Variants in PRIM2 observed in about 807,000 individuals in gnomAD.
PRIM2 encodes DNA primase subunit 2.
A neutral mutation model predicts 67.3 loss-of-function variants in PRIM2; 39 were observed. The ratio of observed to expected loss-of-function variants is 0.58; its 90% CI spans 0.45 to 0.76. The LOEUF is 0.76. Ranked by LOEUF, PRIM2 falls within the 30% of genes least tolerant of loss-of-function variation. PRIM2 has a pLI of 0.00. For synonymous variants in PRIM2, 143 were observed against 198.7 expected, an observed-to-expected ratio of 0.72 and a Z score of 2.36; for missense variants, 398 against 598.7, an observed-to-expected ratio of 0.66 and a Z score of 3.50.
rs1475911748 is a variant in PRIM2 at position 57,418,591 on chromosome 6, G to A, written c.693+36423G>A. Reference sequence around the variant, plus strand: ...TTTTTTTGATATTTTTAGTATAGATGGGGTTTCACCATGTTGGCCAGGATG... The same window carrying A: ...TTTTTTTGATATTTTTAGTATAGATAGGGTTTCACCATGTTGGCCAGGATG... On this transcript the variant is annotated intron_variant, in intron 7 of 13. Transcript: ENST00000615550. Among the ~76,000 whole-genome samples, 6 of 151,406 alleles carry A rather than the reference G, an allele frequency of 4.0e-5. No homozygotes were observed. In the South Asian group the frequency reaches 8.4e-4, roughly 21 times the overall value.
the PRIM2 span, among the ~76,000 whole-genome samples, chr6:57,292,299 G>A: frequency 6.6e-6 from 1 of 152,060 alleles, no homozygotes; most frequent in African/African-American, 2.4e-5. Context: ...GGGATGTGAA[G>A]GACCTCTTCA....
At chr6:57,351,683 T>C (rs1768860906) in intron 5 of PRIM2, among the ~76,000 whole-genome samples, 1 of 151,982 alleles carries the variant, frequency 6.6e-6, no homozygotes, top group East Asian at 1.9e-4. Flanking sequence ...GGATAGTATA[T>C]TTGATGTGAA....
intron 12 of PRIM2, among the ~76,000 whole-genome samples, chr6:57,631,224 A>G (rs1214667390): frequency 1.3e-5 from 2 of 152,068 alleles, no homozygotes; most frequent in Non-Finnish European, 1.5e-5. Context: ...TGACAGGAAG[A>G]TCAGCCTTTT....
At chr6:57,288,466 C>T in the PRIM2 span, among the ~76,000 whole-genome samples, 1 of 152,178 alleles carries the variant, frequency 6.6e-6, no homozygotes, top group South Asian at 2.1e-4. Context: ...AGCGTTCAAG[C>T]TTTGAGAATG....
intron 12 of PRIM2, among the ~76,000 whole-genome samples, chr6:57,622,280 G>A: frequency 6.6e-6 from 1 of 152,168 alleles, no homozygotes; most frequent in Non-Finnish European, 1.5e-5. Flanking sequence ...GAAAGTAATT[G>A]CTTATTTTTA....
intron 4 of PRIM2, 139 bp from the exon 5 acceptor site, chr6:57,325,786 C>A: frequency 1.3e-6 from 1 of 763,062 alleles, no homozygotes; most frequent in Non-Finnish European, 2.1e-6. Flanking sequence ...TTCTCCTTAC[C>A]GTGATAGAGG....
At chr6:57,267,564 A>G in the PRIM2 span, among the ~76,000 whole-genome samples, 1 of 151,952 alleles carries the variant, frequency 6.6e-6, no homozygotes, top group African/African-American at 2.4e-5. Flanking sequence ...CATTGCTATA[A>G]AGAATGGTTG....
intron 5 of PRIM2, among the ~76,000 whole-genome samples, chr6:57,329,462 T>C (rs1351427530): frequency 4.6e-5 from 7 of 152,170 alleles, no homozygotes; most frequent in Non-Finnish European, 1.0e-4. Context: ...TATGGTTTGA[T>C]TGTGTCCCCA....
At chr6:57,312,215 A>G (rs553009838), upstream of PRIM2, among the ~76,000 whole-genome samples, 4 of 152,310 alleles carry the variant, frequency 2.6e-5, no homozygotes, top group South Asian at 8.3e-4. Flanking sequence ...TGTACTTTTA[A>G]AAAGGTCAAG....
intron 7 of PRIM2, among the ~76,000 whole-genome samples, chr6:57,432,567 T>C (rs973133869): frequency 6.6e-6 from 1 of 152,214 alleles, no homozygotes; most frequent in African/African-American, 2.4e-5. Context: ...AGTGTTATTA[T>C]GGCATTAAAA....
rs190677894 is a variant in PRIM2 at position 57,326,718 on chromosome 6, C to T, written c.459+673C>T. Among the ~76,000 whole-genome samples the T allele has an allele frequency of 6.2e-5, 9 of 144,088 alleles. No homozygotes were observed. The East Asian group carries it at 1.6e-3, about 25-fold the overall frequency. 94.5% of individuals were successfully genotyped at this position (144,088 alleles called of 152,430 possible). ...TCTGGGCGAAAGAGCAAGACTCCGTCTCAAAAAAAAAATAAAAACCATAAA... is the reference window on the plus strand; with the variant it reads ...TCTGGGCGAAAGAGCAAGACTCCGTTTCAAAAAAAAAATAAAAACCATAAA... On this transcript the variant is annotated intron_variant, in intron 5 of 13. Coordinates refer to ENST00000615550, the MANE Select transcript of PRIM2 (RefSeq NM_000947.5).
At chr6:57,606,303 C>T (rs1279079595) in intron 11 of PRIM2, 72 bp from the exon 12 acceptor site, 2 of 1,264,044 alleles carry the variant, frequency 1.6e-6, no homozygotes, top group African/African-American at 3.0e-5. Flanking sequence ...TAGATGGTCT[C>T]TCGAGTGTGG....
At chr6:57,594,941 G>C (rs1776340072) in intron 10 of PRIM2, among the ~76,000 whole-genome samples, 1 of 152,178 alleles carries the variant, frequency 6.6e-6, no homozygotes, top group African/African-American at 2.4e-5. Flanking sequence ...AAGGCAATCA[G>C]CATTTTTAAA....
chr6:57,228,113 A>G, the PRIM2 span, among the ~76,000 whole-genome samples: 5 of 152,164 alleles, frequency 3.3e-5, no homozygotes, highest in Non-Finnish European at 7.3e-5. Context: ...TTATTTCTTG[A>G]TATCTTATAG....
intron 5 of PRIM2, among the ~76,000 whole-genome samples, chr6:57,348,098 T>C (rs1029695451): frequency 2.6e-5 from 4 of 152,132 alleles, no homozygotes; most frequent in Admixed American, 6.5e-5. Context: ...AATATACCAT[T>C]GGTAGCTTTC....
At chr6:57,591,111 G>T (rs1256625177) in intron 10 of PRIM2, among the ~76,000 whole-genome samples, 1 of 152,164 alleles carries the variant, frequency 6.6e-6, no homozygotes. Flanking sequence ...TGTGTTTGAA[G>T]TTAAGAGTTA....
intron 5 of PRIM2, among the ~76,000 whole-genome samples, chr6:57,343,655 G>C (rs925974901): frequency 2.0e-5 from 3 of 152,166 alleles, no homozygotes; most frequent in African/African-American, 7.2e-5. Context: ...GAAGAAGAGT[G>C]AAGTGGGATG....
chr6:57,273,875 C>T, the PRIM2 span, among the ~76,000 whole-genome samples: 3 of 152,134 alleles, frequency 2.0e-5, no homozygotes, highest in Admixed American at 6.5e-5. Context: ...GGTCTGTTGG[C>T]GTTTGCTAGA....
At chr6:57,452,890 G>T (rs1002580373) in intron 7 of PRIM2, among the ~76,000 whole-genome samples, 2 of 152,070 alleles carry the variant, frequency 1.3e-5, no homozygotes, top group Admixed American at 6.5e-5. Context: ...TATTGCCTAG[G>T]TTTTCTTCTA....
Sources: allele counts gnomAD v4.1 joint callset (sites outside exome capture counted in the v4.1 genomes callset), GRCh38; gene constraint gnomAD v4.1.1; transcripts MANE v1.5; gene names NCBI Gene and HGNC (gene_info 2026-07-23, HGNC 2026-07-21).